Variants in UBASH3B observed in about 807,000 individuals in gnomAD.
The protein encoded by UBASH3B is ubiquitin-associated and SH3 domain-containing protein B.
In UBASH3B, 37 loss-of-function variants were observed where a neutral mutation model predicts 83.4. The observed-to-expected ratio is 0.44, with a 90% CI of 0.34 to 0.58. UBASH3B has a LOEUF of 0.58. UBASH3B is among the 20% of genes least tolerant of loss of function. The pLI, the probability that UBASH3B is intolerant of heterozygous loss-of-function variation, is 0.01. For synonymous variants in UBASH3B, 304 were observed against 318.3 expected, an observed-to-expected ratio of 0.96 and a Z score of 0.48; for missense variants, 657 against 827.2, an observed-to-expected ratio of 0.79 and a Z score of 2.52.
chr11:122,793,597 G>A (rs1430056683), intron 6 of UBASH3B, among the ~76,000 whole-genome samples: 1 of 152,112 alleles, frequency 6.6e-6, no homozygotes, highest in Non-Finnish European at 1.5e-5. Flanking sequence ...ATGTTCACTG[G>A]ATTTGCCTAA....
intron 1 of UBASH3B, among the ~76,000 whole-genome samples, chr11:122,704,761 C>T (rs575763340): frequency 7.6e-4 from 115 of 152,182 alleles, no homozygotes; most frequent in Non-Finnish European, 1.4e-3. Context: ...CTGCCCGCCT[C>T]GGCCTCCCAA....
At chr11:122,790,661 G>A (rs1861037630) in intron 6 of UBASH3B, among the ~76,000 whole-genome samples, 1 of 152,134 alleles carries the variant, frequency 6.6e-6, no homozygotes, top group Non-Finnish European at 1.5e-5. Context: ...AAAAGTGGGT[G>A]TATGGCCAGG....
At chr11:122,750,811 C>T (rs984269544) in intron 1 of UBASH3B, among the ~76,000 whole-genome samples, 7 of 152,194 alleles carry the variant, frequency 4.6e-5, no homozygotes, top group Non-Finnish European at 1.0e-4. Flanking sequence ...CATAGAGTCC[C>T]CTCCTTCTCC....
chr11:122,739,184 A>G, intron 1 of UBASH3B, among the ~76,000 whole-genome samples: 1 of 152,158 alleles, frequency 6.6e-6, no homozygotes, highest in Admixed American at 6.5e-5. Context: ...TTTTGTAGAG[A>G]CAGGGTCTCA....
At chr11:122,674,895 A>C (rs1052805043) in intron 1 of UBASH3B, among the ~76,000 whole-genome samples, 2 of 150,418 alleles carry the variant, frequency 1.3e-5, no homozygotes, top group Non-Finnish European at 3.0e-5. Context: ...TACCCGGCTA[A>C]TTTTCGTATT....
At chr11:122,714,384 G>A (rs1411537955) in intron 1 of UBASH3B, among the ~76,000 whole-genome samples, 1 of 152,170 alleles carries the variant, frequency 6.6e-6, no homozygotes, top group Non-Finnish European at 1.5e-5. Context: ...GCTACCTATT[G>A]GCCCTTAGGG....
At chr11:122,777,906 T>G (rs892810477) in intron 3 of UBASH3B, among the ~76,000 whole-genome samples, 3 of 151,806 alleles carry the variant, frequency 2.0e-5, no homozygotes, top group Non-Finnish European at 4.4e-5. Flanking sequence ...ATTTTTGTAT[T>G]TTTAGTAGAG....
chr11:122,804,846 A>G (rs111850850), intron 11 of UBASH3B, among the ~76,000 whole-genome samples: 2,780 of 152,316 alleles, frequency 0.018, 78 homozygotes, highest in African/African-American at 0.063. Flanking sequence ...AGAAAATTGA[A>G]ATGACATAGT....
chr11:122,697,266 C>G (rs1863975842), intron 1 of UBASH3B, among the ~76,000 whole-genome samples: 1 of 152,168 alleles, frequency 6.6e-6, no homozygotes, highest in South Asian at 2.1e-4. Flanking sequence ...AGTACTTTTA[C>G]ATATGTGATT....
chr11:122,752,398 G>A (rs374616406), intron 1 of UBASH3B, among the ~76,000 whole-genome samples: 1 of 152,224 alleles, frequency 6.6e-6, no homozygotes, highest in Non-Finnish European at 1.5e-5. Context: ...TATAGGGGGC[G>A]CGAGTTAGAG....
intron 1 of UBASH3B, among the ~76,000 whole-genome samples, chr11:122,755,092 G>A (rs1861262312): frequency 6.6e-6 from 1 of 152,010 alleles, no homozygotes; most frequent in African/African-American, 2.4e-5. Flanking sequence ...CCATGCAATG[G>A]AGAGAAGTCA....
intron 1 of UBASH3B, among the ~76,000 whole-genome samples, chr11:122,732,867 C>T (rs1327650847): frequency 6.6e-6 from 1 of 152,214 alleles, no homozygotes; most frequent in Non-Finnish European, 1.5e-5. Flanking sequence ...TCAATAGCTC[C>T]TCCTATTCAA....
chr11:122,709,873 G>A (rs186439644), intron 1 of UBASH3B, among the ~76,000 whole-genome samples: 212 of 152,072 alleles, frequency 1.4e-3, no homozygotes, highest in African/African-American at 4.9e-3. Flanking sequence ...GAGCATTCTC[G>A]AGGCCAGGGG....
Position 122,698,557 on chromosome 11 carries a change from G to C in UBASH3B, c.161+42347G>C, listed in dbSNP as rs1863992237. Among the ~76,000 whole-genome samples, 3 of 152,314 alleles carry C rather than the reference G, an allele frequency of 2.0e-5. No homozygotes were observed. In the South Asian group the frequency reaches 6.2e-4, roughly 32 times the overall value. On this transcript the variant is annotated intron_variant, in intron 1 of 13. Coordinates refer to ENST00000284273, the MANE Select transcript of UBASH3B (RefSeq NM_032873.5). ...AAAACTGCACTCACAGTATGGGAGA[G>C]CCTGGGGCATATGTTTGGTAAGGCA...
At chr11:122,745,101 C>A (rs1861096906) in intron 1 of UBASH3B, among the ~76,000 whole-genome samples, 1 of 152,158 alleles carries the variant, frequency 6.6e-6, no homozygotes, top group Non-Finnish European at 1.5e-5. Flanking sequence ...GCAAGCACGT[C>A]CTGGAAGCTG....
At chr11:122,797,945 T>A (rs916154020) in intron 9 of UBASH3B, among the ~76,000 whole-genome samples, 16 of 152,164 alleles carry the variant, frequency 1.1e-4, no homozygotes, top group Admixed American at 2.6e-4. Flanking sequence ...ATGGAAGACC[T>A]TGGCCACCAT....
At chr11:122,727,920 T>C (rs1283441780) in intron 1 of UBASH3B, among the ~76,000 whole-genome samples, 1 of 152,104 alleles carries the variant, frequency 6.6e-6, no homozygotes, top group Non-Finnish European at 1.5e-5. Context: ...CCAGTCCCTA[T>C]CCTGAAGGCT....
At position 122,656,161 on chromosome 11, in the gene UBASH3B, G is replaced by C; in HGVS notation, c.112G>C (p.Gly38Arg). ...ACAGCGCCCCGGCACCATCAAGCAT[G>C]GATCGGCGCTGGACGTGCTCCTCTC... Reference protein sequence around the residue: ...RQQRPGTIKHGSALDVLLSMG... With the variant: ...RQQRPGTIKHRSALDVLLSMG... Residue 38 changes from glycine to arginine, a missense_variant, in exon 1 of 14, where the codon GGA becomes CGA. Gly to Arg is a moderately radical substitution (Grantham distance 125, BLOSUM62 -2). Coordinates refer to ENST00000284273, the MANE Select transcript of UBASH3B (RefSeq NM_032873.5). The C allele has an allele frequency of 6.3e-7, 1 of 1,574,942 alleles. No homozygotes were observed. Among genetic ancestry groups the C allele is most frequent in the Non-Finnish European group, 8.6e-7 (1 of 1,162,070 alleles).
intron 1 of UBASH3B, among the ~76,000 whole-genome samples, chr11:122,727,997 C>CATTATTATT (rs60967984): frequency 1.1e-3 from 163 of 149,998 alleles, no homozygotes; most frequent in South Asian, 7.6e-3. Flanking sequence ...CCCATCTTAT[C>CATTATTATT]ATTATTATTA....
Sources: gnomAD v4.1 joint callset for allele counts (sites outside exome capture counted in the v4.1 genomes callset) on GRCh38, gnomAD v4.1.1 for gene constraint, MANE v1.5 for transcripts, NCBI Gene and HGNC (gene_info 2026-07-23, HGNC 2026-07-21) for gene names.